IL15: variants seen among roughly 807,000 people sequenced by gnomAD.
IL15 encodes the protein interleukin 15, also known as interleukin-15.
A neutral mutation model predicts 19.6 loss-of-function variants in IL15; 11 were observed. That is an observed-to-expected ratio of 0.56 (90% confidence interval 0.35 to 0.93). The LOEUF (loss-of-function observed/expected upper bound fraction) is 0.93. IL15 is among the 40% of genes least tolerant of loss of function. The probability of loss-of-function intolerance (pLI) is 0.01; values close to 1 mark genes in which losing one functional copy is unlikely to be tolerated. For synonymous variants in IL15, 58 were observed against 59.6 expected, an observed-to-expected ratio of 0.97 and a Z score of 0.12; for missense variants, 197 against 186.5, an observed-to-expected ratio of 1.06 and a Z score of -0.33.
intron 2 of IL15, among the ~76,000 whole-genome samples, chr4:141,702,352 C>G (rs1729348904): frequency 6.6e-6 from 1 of 152,200 alleles, no homozygotes; most frequent in East Asian, 1.9e-4. Flanking sequence ...GTAGGGCTAC[C>G]AGACTCTGGG....
chr4:141,703,473 C>T (rs924065266), intron 2 of IL15, among the ~76,000 whole-genome samples: 1 of 152,168 alleles, frequency 6.6e-6, no homozygotes, highest in South Asian at 2.1e-4. Context: ...ACTGCTTCTA[C>T]TTTTATTTTC....
At chr4:141,687,260 A>G (rs1313089386) in intron 2 of IL15, among the ~76,000 whole-genome samples, 2 of 152,180 alleles carry the variant, frequency 1.3e-5, no homozygotes, top group South Asian at 2.1e-4. Context: ...GAGGGGAGGA[A>G]GTAGAAAGTA....
chr4:141,650,081 A>G (rs1325907738), intron 1 of IL15, among the ~76,000 whole-genome samples: 2 of 152,092 alleles, frequency 1.3e-5, no homozygotes, highest in Non-Finnish European at 2.9e-5. Context: ...GCAGTATAAA[A>G]GCAAAAGTGG....
intron 1 of IL15, among the ~76,000 whole-genome samples, chr4:141,650,966 C>T (rs956580186): frequency 6.6e-6 from 1 of 152,058 alleles, no homozygotes; most frequent in African/African-American, 2.4e-5. Flanking sequence ...GAAAGCTCCA[C>T]ATTTCATCAA....
chr4:141,722,770 G>A (rs1351461044), intron 5 of IL15, among the ~76,000 whole-genome samples: 1 of 152,056 alleles, frequency 6.6e-6, no homozygotes, highest in Non-Finnish European at 1.5e-5. Context: ...GCTTGAAAAA[G>A]CAATTACAAA....
At chr4:141,714,274 C>T (rs557887621) in intron 2 of IL15, among the ~76,000 whole-genome samples, 2 of 152,232 alleles carry the variant, frequency 1.3e-5, no homozygotes, top group African/African-American at 2.4e-5. Flanking sequence ...CCCTCGCCCC[C>T]TCTTGGAGGT....
At chr4:141,728,205 AAG>A (rs1188452736) in intron 6 of IL15, among the ~76,000 whole-genome samples, 3 of 152,206 alleles carry the variant, frequency 2.0e-5, no homozygotes, top group South Asian at 4.1e-4. Flanking sequence ...AAAATATTAA[AAG>A]AGTCTTTTCC....
chr4:141,660,711 C>G (rs1236150533), intron 2 of IL15, among the ~76,000 whole-genome samples: 1 of 152,056 alleles, frequency 6.6e-6, no homozygotes, highest in African/African-American at 2.4e-5. Context: ...ATATAATACT[C>G]TAAAGTAGGT....
rs921878961 is a variant in IL15 at position 141,713,530 on chromosome 4, C to T, written c.-99-5836C>T. On this transcript the variant is annotated intron_variant, in intron 2 of 7. Coordinates refer to ENST00000320650, the MANE Select transcript of IL15 (RefSeq NM_000585.5). ...GCATAAAACATTATCTGGCCCTCTA[C>T]ACAAAGTGTTAACCAGTTGCTGCTT... Among the ~76,000 whole-genome samples the T allele has an allele frequency of 3.3e-5, 5 of 152,316 alleles. No individual in the cohort carries two copies. The East Asian group carries it at 7.7e-4, about 23-fold the overall frequency.
chr4:141,688,009 A>G (rs1367165694), intron 2 of IL15, among the ~76,000 whole-genome samples: 1 of 152,184 alleles, frequency 6.6e-6, no homozygotes, highest in Non-Finnish European at 1.5e-5. Flanking sequence ...TGTCAAGACG[A>G]CAGTTCTCTC....
intron 1 of IL15, among the ~76,000 whole-genome samples, chr4:141,645,082 A>G (rs1427929414): frequency 6.6e-6 from 1 of 152,126 alleles, no homozygotes; most frequent in Non-Finnish European, 1.5e-5. Context: ...GACCTTTTAT[A>G]TACTCACTTT....
chr4:141,688,061 AG>A (rs375419875), intron 2 of IL15, among the ~76,000 whole-genome samples: 28 of 152,132 alleles, frequency 1.8e-4, no homozygotes, highest in African/African-American at 5.6e-4. Flanking sequence ...CCACTCCCTA[AG>A]GGCAGCTTAC....
At chr4:141,698,743 T>C (rs970730768) in intron 2 of IL15, among the ~76,000 whole-genome samples, 31 of 152,228 alleles carry the variant, frequency 2.0e-4, no homozygotes, top group Middle Eastern at 6.8e-3. Flanking sequence ...TTAATCGTAC[T>C]AATGGTCTAT....
rs1808109 is a variant in IL15, at chr4:141,659,015, G to A, written c.-100+2708G>A. 3.2e-3 allele frequency among the ~76,000 whole-genome samples: 485 copies of A among 150,620 alleles called. 5 individuals are homozygous for A. The highest frequency in any genetic ancestry group is 0.017 in the Middle Eastern group (5 of 286). On this transcript the variant is annotated intron_variant, in intron 2 of 7. Coordinates refer to ENST00000320650, the MANE Select transcript of IL15 (RefSeq NM_000585.5). The stretch of plus-strand genomic sequence containing the variant: ...GCTGGGACTACAGGCGCCTGCCACC[G>A]CGCCTGGCTAATTTTTTTTGTATTT...
chr4:141,710,193 G>A (rs1729669945), intron 2 of IL15, among the ~76,000 whole-genome samples: 1 of 152,192 alleles, frequency 6.6e-6, no homozygotes, highest in South Asian at 2.1e-4. Flanking sequence ...AATGGAGACA[G>A]TTATTGGCCC....
At chr4:141,645,701 C>T (rs765209815) in intron 1 of IL15, among the ~76,000 whole-genome samples, 2 of 152,020 alleles carry the variant, frequency 1.3e-5, no homozygotes, top group South Asian at 4.1e-4. Flanking sequence ...TAGGACAAAA[C>T]ACAAAGAGAA....
At chr4:141,692,214 C>T (rs192383664) in intron 2 of IL15, among the ~76,000 whole-genome samples, 64 of 152,336 alleles carry the variant, frequency 4.2e-4, no homozygotes, top group African/African-American at 1.5e-3. Flanking sequence ...TGTCCCGAGG[C>T]TGCACAAAGG....
intron 2 of IL15, among the ~76,000 whole-genome samples, chr4:141,684,480 G>A (rs1728642112): frequency 1.3e-5 from 2 of 152,124 alleles, no homozygotes; most frequent in South Asian, 4.2e-4. Flanking sequence ...CCATTGCCGA[G>A]CAAATCATAT....
At chr4:141,683,309 G>A (rs1728600017) in intron 2 of IL15, among the ~76,000 whole-genome samples, 1 of 151,906 alleles carries the variant, frequency 6.6e-6, no homozygotes, top group Non-Finnish European at 1.5e-5. Context: ...GGTGGCTCAT[G>A]CCTGTAATCC....
Sources: gnomAD v4.1 joint callset for allele counts (sites outside exome capture counted in the v4.1 genomes callset) on GRCh38, gnomAD v4.1.1 for gene constraint, MANE v1.5 for transcripts, NCBI Gene and HGNC (gene_info 2026-07-23, HGNC 2026-07-21) for gene names.